UNC13C: variants seen among roughly 807,000 people sequenced by gnomAD.
UNC13C encodes the protein protein unc-13 homolog C.
In UNC13C, 174 loss-of-function variants were observed where a neutral mutation model predicts 245.4. That is an observed-to-expected ratio of 0.71 (90% CI 0.63 to 0.80). The LOEUF (loss-of-function observed/expected upper bound fraction) is 0.80, where lower values mean the gene tolerates loss of function less well. Among genes scored for constraint, UNC13C ranks in the 30% least tolerant of loss-of-function variants. UNC13C has a pLI of 0.00. For synonymous variants in UNC13C, 992 were observed against 895.1 expected (o/e 1.11, Z -1.93); for missense variants, 2,829 against 2,602.9 (o/e 1.09, Z -1.89).
At chr15:54,538,310 A>G (rs1896088939) in intron 26 of UNC13C, among the ~76,000 whole-genome samples, 1 of 151,992 alleles carries the variant, frequency 6.6e-6, no homozygotes, top group Non-Finnish European at 1.5e-5. Flanking sequence ...ATCTCACACC[A>G]ATCAGGATGA....
the UNC13C span, among the ~76,000 whole-genome samples, chr15:53,864,966 G>A: frequency 4.6e-5 from 7 of 152,132 alleles, no homozygotes; most frequent in East Asian, 1.9e-4. Flanking sequence ...CAGAAGTCCC[G>A]AATTCTTAGC....
intron 10 of UNC13C, among the ~76,000 whole-genome samples, chr15:54,276,096 G>A (rs2036825031): frequency 6.6e-6 from 1 of 152,036 alleles, no homozygotes. Context: ...TCCAGTGTAA[G>A]AAATCAGATC....
chr15:54,585,670 G>T (rs1898453894), intron 30 of UNC13C, among the ~76,000 whole-genome samples: 1 of 152,078 alleles, frequency 6.6e-6, no homozygotes, highest in South Asian at 2.1e-4. Flanking sequence ...TCTCCACAAA[G>T]GTAGAAGAGA....
At position 54,519,652 on chromosome 15, in the gene UNC13C, C is replaced by A. The variant is rs143780207; in HGVS notation, c.5458-5897C>A. On this transcript the variant is annotated intron_variant, in intron 24 of 32. Transcript: ENST00000260323. ...ATGCCATAGTCTGTCTGAAAATTGT[C>A]GTGTAAGTTCTTGGAGTTTCTCCTT... Among the ~76,000 whole-genome samples, 17 of 152,230 alleles carry A rather than the reference C, an allele frequency of 1.1e-4. No homozygotes were observed. The East Asian group carries it at 2.5e-3, about 22-fold the overall frequency.
chr15:54,596,210 T>G (rs926611726), intron 30 of UNC13C, among the ~76,000 whole-genome samples: 3 of 152,210 alleles, frequency 2.0e-5, no homozygotes, highest in African/African-American at 7.2e-5. Context: ...TTGTATTTTT[T>G]TCATGGCATA....
At position 53,991,973 on chromosome 15, in the gene UNC13C, C is replaced by T. The variant is rs76782196; in HGVS notation, c.-257+13046C>T. On this transcript the variant is annotated intron_variant, in intron 1 of 32. Transcript: ENST00000260323. ...GGAATATTCTTGGCTGATAGGTTTT[C>T]TGGCATTATATAGTATATTCACTCT... Among the ~76,000 whole-genome samples, 1,519 of 152,090 alleles carry T rather than the reference C, an allele frequency of 1.0e-2. 28 individuals are homozygous for T. The highest frequency in any genetic ancestry group is 0.035 in the African/African-American group (1,470 of 41,512).
chr15:54,350,142 A>G (rs1269429895), intron 17 of UNC13C, among the ~76,000 whole-genome samples: 1 of 151,970 alleles, frequency 6.6e-6, no homozygotes, highest in African/African-American at 2.4e-5. Context: ...CAGGCGCCCG[A>G]CACCACTCCC....
chr15:54,242,777 T>C (rs998713443), intron 7 of UNC13C, among the ~76,000 whole-genome samples: 3 of 152,338 alleles, frequency 2.0e-5, no homozygotes, highest in East Asian at 3.9e-4. Context: ...TCTAACCATG[T>C]ATCCATTTTT....
intron 2 of UNC13C, among the ~76,000 whole-genome samples, chr15:54,035,227 T>TA (rs1247713139): frequency 6.6e-6 from 1 of 152,166 alleles, no homozygotes; most frequent in African/African-American, 2.4e-5. Context: ...ACTTTCATTA[T>TA]AAAAAATGAG....
At chr15:54,301,119 A>G (rs2037568682) in intron 13 of UNC13C, among the ~76,000 whole-genome samples, 1 of 152,094 alleles carries the variant, frequency 6.6e-6, no homozygotes, top group African/African-American at 2.4e-5. Context: ...TGGTTCAGAT[A>G]TATACCAGGT....
intron 4 of UNC13C, among the ~76,000 whole-genome samples, chr15:54,232,808 A>T (rs1057133709): frequency 6.6e-6 from 1 of 152,134 alleles, no homozygotes; most frequent in Non-Finnish European, 1.5e-5. Context: ...TTCACAGAGG[A>T]GAGAAAGTAG....
intron 28 of UNC13C, among the ~76,000 whole-genome samples, chr15:54,552,353 A>C (rs1450081368): frequency 1.7e-5 from 2 of 116,576 alleles, no homozygotes; most frequent in African/African-American, 6.6e-5. Flanking sequence ...ATTATATTAT[A>C]TATTACAATG....
the UNC13C span, among the ~76,000 whole-genome samples, chr15:53,868,279 T>C: frequency 6.6e-6 from 1 of 152,170 alleles, no homozygotes; most frequent in Non-Finnish European, 1.5e-5. Flanking sequence ...CTGAGAGCAA[T>C]TGGAGGAGCA....
intron 4 of UNC13C, among the ~76,000 whole-genome samples, chr15:54,199,825 G>C (rs1019372265): frequency 2.0e-5 from 3 of 152,080 alleles, no homozygotes; most frequent in African/African-American, 7.2e-5. Context: ...ATGATGAATA[G>C]AATAGTATCA....
At chr15:54,061,068 G>A (rs540401970) in intron 2 of UNC13C, among the ~76,000 whole-genome samples, 1 of 151,392 alleles carries the variant, frequency 6.6e-6, no homozygotes, top group South Asian at 2.1e-4. Context: ...GTATACATAT[G>A]TAACAAACGT....
At chr15:54,223,823 T>C (rs1388444271) in intron 4 of UNC13C, among the ~76,000 whole-genome samples, 1 of 152,036 alleles carries the variant, frequency 6.6e-6, no homozygotes, top group Non-Finnish European at 1.5e-5. Context: ...GCATCAATGT[T>C]TTGTAGTTTT....
chr15:54,112,163 G>A (rs1900811701), intron 2 of UNC13C, among the ~76,000 whole-genome samples: 1 of 152,126 alleles, frequency 6.6e-6, no homozygotes, highest in Non-Finnish European at 1.5e-5. Context: ...AACTTATGAA[G>A]CAACATCATT....
chr15:54,012,866 C>T lies in UNC13C; in HGVS notation c.-38C>T, dbSNP rs533972363. ...AGGTTTTCATCCTGATACTTGTTTA[C>T]TTTTCTGGGGCAGAAAAGCTTGCAC... On this transcript the variant is annotated 5_prime_UTR_variant, in exon 2 of 33. Transcript: ENST00000260323. 53 of 1,494,080 alleles carry T rather than the reference C, an allele frequency of 3.5e-5. No homozygotes were observed. In the African/African-American group the frequency reaches 6.7e-4, roughly 19 times the overall value. 92.6% of individuals were successfully genotyped at this position (1,494,080 alleles called of 1,614,324 possible).
chr15:54,410,130 C>T (rs2040387764), intron 18 of UNC13C, among the ~76,000 whole-genome samples: 1 of 152,096 alleles, frequency 6.6e-6, no homozygotes, highest in South Asian at 2.1e-4. Flanking sequence ...TGATTAGTAA[C>T]ATCAAGAATT....
Sources: allele counts gnomAD v4.1 joint callset (sites outside exome capture counted in the v4.1 genomes callset), GRCh38; gene constraint gnomAD v4.1.1; transcripts MANE v1.5; gene names NCBI Gene and HGNC (gene_info 2026-07-23, HGNC 2026-07-21).